KIF7: variants seen among roughly 807,000 people sequenced by gnomAD.
KIF7 encodes the protein kinesin family member 7.
KIF7 carries 104 observed loss-of-function variants against 135.7 expected under a neutral mutation model. That is an observed-to-expected ratio of 0.77 (90% CI 0.65 to 0.90). The LOEUF (loss-of-function observed/expected upper bound fraction) is 0.90, where lower values mean the gene tolerates loss of function less well. Ranked by LOEUF, KIF7 falls within the 40% of genes least tolerant of loss-of-function variation. The pLI is 0.00. For synonymous variants in KIF7, 883 were observed against 809.4 expected (o/e 1.09, Z -1.54); for missense variants, 2,005 against 1,839.1 (o/e 1.09, Z -1.65).
At chr15:89,640,572 G>A (rs150671225) in intron 11 of KIF7, among the ~76,000 whole-genome samples, 26 of 152,104 alleles carry the variant, frequency 1.7e-4, no homozygotes, top group African/African-American at 6.0e-4. Context: ...ACCACTCCAC[G>A]ATATTGTCTC....
chr15:89,620,967 C>G (rs545631355), intron 1 of KIF7, among the ~76,000 whole-genome samples: 3 of 150,816 alleles, frequency 2.0e-5, no homozygotes, highest in African/African-American at 7.3e-5. Context: ...GTGATCTGCC[C>G]GCCTCAGCCT....
upstream of KIF7, among the ~76,000 whole-genome samples, chr15:89,655,710 C>G (rs941471597): frequency 6.6e-6 from 1 of 152,218 alleles, no homozygotes; most frequent in Non-Finnish European, 1.5e-5. Context: ...TCCTCAGCCC[C>G]GAGTCACCTT....
chr15:89,623,152 T>C (rs1963453480), downstream of KIF7, among the ~76,000 whole-genome samples: 1 of 152,248 alleles, frequency 6.6e-6, no homozygotes, highest in Non-Finnish European at 1.5e-5. Context: ...CTGCACCTTA[T>C]ATATCTGTGT....
At chr15:89,659,466 A>AAAAG (rs201306586), upstream of KIF7, among the ~76,000 whole-genome samples, 10 of 150,744 alleles carry the variant, frequency 6.6e-5, no homozygotes, top group East Asian at 3.9e-4. Flanking sequence ...AAAGAAAGAA[A>AAAAG]AAAGAAAGAA....
intron 4 of KIF7, 55 bp downstream of exon 4, chr15:89,648,919 G>C (rs1193544097): frequency 6.7e-7 from 1 of 1,481,588 alleles, no homozygotes; most frequent in Non-Finnish European, 9.0e-7. Context: ...TGGTGTGCTG[G>C]ACACTCCCCG....
downstream of KIF7, among the ~76,000 whole-genome samples, chr15:89,626,489 ATTCCCC>A (rs1169496319): frequency 2.6e-5 from 4 of 152,072 alleles, no homozygotes; most frequent in African/African-American, 9.7e-5. Context: ...AGGCTCTAGG[ATTCCCC>A]TTCCCCTTCC....
downstream of KIF7, chr15:89,624,462 G>C (rs754304250): frequency 1.9e-6 from 3 of 1,614,156 alleles, no homozygotes; most frequent in Admixed American, 5.0e-5. Flanking sequence ...TTGGGAAACG[G>C]TGTAGAAAGA....
chr15:89,660,139 A>AGTGAGCCAAGATCGTACCAC (rs1964243951), upstream of KIF7, among the ~76,000 whole-genome samples: 1 of 152,212 alleles, frequency 6.6e-6, no homozygotes, highest in Non-Finnish European at 1.5e-5. Flanking sequence ...TGGGGGTTGA[A>AGTGAGCCAAGATCGTACCAC]GTGAGCCAAG....
rs1375400562 is a variant in KIF7 at position 89,628,649 on chromosome 15, A to G, written c.3802T>C (p.Leu1268=). The G allele has an allele frequency of 6.2e-7, 1 of 1,613,192 alleles. No homozygotes were observed. Among genetic ancestry groups the G allele is most frequent in the Non-Finnish European group, 8.5e-7 (1 of 1,179,940 alleles). ...GTCAAGGGTAACGGAGCGTGGACCA[A>G]GTCCCGCGTCTCCTCCCGGGTGCGG... ...APRTREETRD[L]VHAPLPLTWK... The change falls in exon 19 of 19, where the codon TTG becomes CTG. Residue 1268 remains leucine, a synonymous_variant. Transcript: ENST00000394412.
downstream of KIF7, chr15:89,624,923 C>T (rs1200049139): frequency 1.9e-6 from 3 of 1,614,096 alleles, no homozygotes; most frequent in Non-Finnish European, 2.5e-6. Flanking sequence ...CAGGCTTCGG[C>T]ACAACTAGAC....
intron 1 of KIF7, among the ~76,000 whole-genome samples, chr15:89,654,080 G>A (rs113281435): frequency 0.01 from 1,538 of 152,180 alleles, 26 homozygotes; most frequent in African/African-American, 0.035. Flanking sequence ...CCCGATCTCC[G>A]CTCACTGCAA....
Position 89,652,705 on chromosome 15 carries a change from G to C in KIF7, c.226C>G (p.Gln76Glu), listed in dbSNP as rs1345528858. Residue 76 changes from glutamine (Q) to glutamate (E), a missense_variant, in exon 2 of 19, where the codon CAG (glutamine) becomes GAG (glutamate). Transcript: ENST00000394412. Reference protein sequence around the residue: ...GQEAVYQACVQPLLEAFFEGF... With the variant: ...GQEAVYQACVEPLLEAFFEGF... ...TCGAAGAAGGCCTCAAGGAGGGGCTGAACGCAGGCCTGGTACACGGCCTCC... is the reference window on the plus strand; with the variant it reads ...TCGAAGAAGGCCTCAAGGAGGGGCTCAACGCAGGCCTGGTACACGGCCTCC... 1.3e-6 allele frequency: 2 copies of C among 1,551,808 alleles called. No individual in the cohort carries two copies. The highest frequency in any genetic ancestry group is 2.4e-5 in the South Asian group (2 of 84,058).
chr15:89,638,718 C>T (rs1963861047), intron 11 of KIF7, among the ~76,000 whole-genome samples: 1 of 151,362 alleles, frequency 6.6e-6, no homozygotes, highest in African/African-American at 2.4e-5. Context: ...GGCCATACTG[C>T]CCAAGGTAAT....
At chr15:89,653,742 TTATTAGTATTAGTATTAG>T (rs67242272) in intron 1 of KIF7, among the ~76,000 whole-genome samples, 88,764 of 149,608 alleles carry the variant, frequency 0.59, 27,030 homozygotes, top group Non-Finnish European at 0.66. Context: ...GCTAATTTTA[TTATTAGTATTAGTATTAG>T]TATTAGTATT....
In KIF7 at chr15:89,652,758, T is replaced by C; in HGVS notation, c.173A>G (p.His58Arg). ...TLGRDRHFGF[H>R]VVLAEDAGQE... ...CCCCGCATCCTCGGCCAGCACCACG[T>C]GGAAGCCAAAGTGTCGGTCACGGCC... Residue 58 changes from histidine to arginine, a missense_variant, in exon 2 of 19, where the codon CAC becomes CGC. Transcript: ENST00000394412. 4 of 1,551,684 alleles carry C rather than the reference T, an allele frequency of 2.6e-6. No individual in the cohort carries two copies. The highest frequency in any genetic ancestry group is 3.5e-6 in the Non-Finnish European group (4 of 1,146,992).
At chr15:89,622,990 AGACTGAGAGTCCCCT>A (rs1400668764), downstream of KIF7, among the ~76,000 whole-genome samples, 11 of 152,370 alleles carry the variant, frequency 7.2e-5, no homozygotes, top group African/African-American at 1.4e-4. Context: ...AATGCCAGCT[AGACTGAGAGTCCCCT>A]GACGGGATGA....
chr15:89,631,763 G>A lies in KIF7; in HGVS notation c.2896-53C>T, dbSNP rs540974436. On this transcript the variant is annotated intron_variant, in intron 14 of 18. Coordinates refer to ENST00000394412, the MANE Select transcript of KIF7 (RefSeq NM_198525.3). ...GAAGGAACAGGCACTGTCCTCACAGGGGGGACAGAAAGGGCCGGATGTTAA... is the reference window on the plus strand; with the variant it reads ...GAAGGAACAGGCACTGTCCTCACAGAGGGGACAGAAAGGGCCGGATGTTAA... 26 of 1,453,040 alleles carry A rather than the reference G, an allele frequency of 1.8e-5. No individual in the cohort carries two copies. In the East Asian group the frequency reaches 4.2e-4, roughly 24 times the overall value. The allele number at this position is 1,453,040 out of a possible 1,614,324, so 90.0% of individuals were successfully genotyped here.
At chr15:89,627,309 G>C, downstream of KIF7, 2 of 568,170 alleles carry the variant, frequency 3.5e-6, no homozygotes. Flanking sequence ...CAATGTGATT[G>C]GTGCTATAAC....
chr15:89,649,333 G>A lies in KIF7; in HGVS notation c.564C>T (p.Gly188=). 2 of 1,469,800 alleles carry A rather than the reference G, an allele frequency of 1.4e-6. No homozygotes were observed. The highest frequency in any genetic ancestry group is 1.8e-6 in the Non-Finnish European group (2 of 1,105,870). 91.0% of individuals were successfully genotyped at this position (1,469,800 alleles called of 1,614,324 possible). A position where few individuals can be genotyped will look rare whatever the true frequency, so the allele number is the denominator to read the frequency against. The change falls in exon 4 of 19, where the codon GGC becomes GGT. Residue 188 remains glycine, a synonymous_variant. Coordinates refer to ENST00000394412, the MANE Select transcript of KIF7 (RefSeq NM_198525.3). ...LCGVKEVDVE[G]LDEVLSLLEM... ...CCAGGAGGCTCAGCACCTCATCCAG[G>A]CCCTCCACGTCGACCTCCTTCACCC...
Sources: allele counts gnomAD v4.1 joint callset (sites outside exome capture counted in the v4.1 genomes callset), GRCh38; gene constraint gnomAD v4.1.1; transcripts MANE v1.5; gene names NCBI Gene and HGNC (gene_info 2026-07-23, HGNC 2026-07-21).